Variants in USP10 observed in about 807,000 individuals in gnomAD.
USP10 encodes the protein ubiquitin specific peptidase 10.
A neutral mutation model predicts 84.5 loss-of-function variants in USP10; 22 were observed. The observed-to-expected ratio is 0.26, with a 90% CI of 0.19 to 0.37. The LOEUF (loss-of-function observed/expected upper bound fraction) is 0.37. Ranked by LOEUF, USP10 falls within the 10% of genes least tolerant of loss-of-function variation. The probability of loss-of-function intolerance (pLI) is 1.00; values close to 1 mark genes in which losing one functional copy is unlikely to be tolerated. For synonymous variants in USP10, 454 were observed against 387.6 expected (o/e 1.17, Z -2.01); for missense variants, 1,019 against 998.9 (o/e 1.02, Z -0.27).
chr16:84,725,636 T>G (rs1908366329), intron 1 of USP10, among the ~76,000 whole-genome samples: 1 of 152,120 alleles, frequency 6.6e-6, no homozygotes, highest in Non-Finnish European at 1.5e-5. Flanking sequence ...ACTCCTGACC[T>G]CAGGTGATCC....
At chr16:84,733,134 A>T (rs1909456869) in intron 1 of USP10, 1 of 493,700 alleles carries the variant, frequency 2.0e-6, no homozygotes, top group African/African-American at 1.9e-5. Flanking sequence ...AGTATTTGTG[A>T]ACCAATAAAA....
At chr16:84,728,578 C>T (rs1446139574) in intron 1 of USP10, among the ~76,000 whole-genome samples, 1 of 152,150 alleles carries the variant, frequency 6.6e-6, no homozygotes, top group East Asian at 1.9e-4. Context: ...ATCCGCCTGC[C>T]TCGGCCTCCC....
intron 1 of USP10, among the ~76,000 whole-genome samples, chr16:84,718,738 A>G (rs776128260): frequency 3.4e-4 from 52 of 151,896 alleles, no homozygotes; most frequent in Non-Finnish European, 6.5e-4. Flanking sequence ...GTTGGGCAAC[A>G]GAGCAAGACT....
chr16:84,733,576 T>G lies in USP10; in HGVS notation c.90+73T>G, dbSNP rs961100670. 3.4e-6 allele frequency: 4 copies of G among 1,175,410 alleles called. No individual in the cohort carries two copies. In the African/African-American group the frequency reaches 6.3e-5, roughly 19 times the overall value. 72.8% of individuals were successfully genotyped at this position (1,175,410 alleles called of 1,614,324 possible). A position where few individuals can be genotyped will look rare whatever the true frequency, so the allele number is the denominator to read the frequency against. ...TAGTTATGTTTCTATTTTAATTTGT[T>G]TTTTTAAATAAAGAATTCCAATGTA... On this transcript the variant is annotated intron_variant, in intron 2 of 13. Coordinates refer to ENST00000219473, the MANE Select transcript of USP10 (RefSeq NM_005153.3).
At chr16:84,704,065 T>C (rs972998807) in intron 1 of USP10, among the ~76,000 whole-genome samples, 1 of 152,270 alleles carries the variant, frequency 6.6e-6, no homozygotes, top group Non-Finnish European at 1.5e-5. Flanking sequence ...AGCGGCACGT[T>C]GCACTGTGCT....
chr16:84,736,823 C>G (rs1909989154), intron 2 of USP10, among the ~76,000 whole-genome samples: 1 of 152,188 alleles, frequency 6.6e-6, no homozygotes, highest in East Asian at 1.9e-4. Context: ...GAGTCTCGCT[C>G]TCTCGCCCAG....
chr16:84,716,112 A>AT (rs780904523), intron 1 of USP10: 2 of 152,268 alleles, frequency 1.3e-5, no homozygotes, highest in Non-Finnish European at 2.9e-5. Context: ...GGTGACTACT[A>AT]TCCCACAGGG....
At chr16:84,738,921 T>C (rs986294901) in intron 2 of USP10, among the ~76,000 whole-genome samples, 1 of 152,210 alleles carries the variant, frequency 6.6e-6, no homozygotes, top group Non-Finnish European at 1.5e-5. Context: ...TTTGCGGCCC[T>C]AGGGCCGTTC....
intron 13 of USP10, among the ~76,000 whole-genome samples, chr16:84,777,359 G>C (rs773601127): frequency 1.6e-4 from 24 of 152,190 alleles, no homozygotes; most frequent in Non-Finnish European, 2.6e-4. Flanking sequence ...ACTGATGGTC[G>C]CTTTGAAGCA....
chr16:84,755,668 C>T (rs1298132316), intron 4 of USP10, among the ~76,000 whole-genome samples: 5 of 151,846 alleles, frequency 3.3e-5, no homozygotes, highest in Non-Finnish European at 7.4e-5. Context: ...TATGGTGGCA[C>T]ACATCTGTAG....
chr16:84,704,317 C>G (rs1452975709), intron 1 of USP10, among the ~76,000 whole-genome samples: 2 of 152,206 alleles, frequency 1.3e-5, no homozygotes, highest in Non-Finnish European at 2.9e-5. Context: ...GAAGAGCTTG[C>G]TTTTGAATTT....
chr16:84,727,659 C>T (rs553626769), intron 1 of USP10, among the ~76,000 whole-genome samples: 3 of 152,330 alleles, frequency 2.0e-5, no homozygotes, highest in East Asian at 1.9e-4. Flanking sequence ...CACACTCATA[C>T]GGATACACAT....
intron 13 of USP10, among the ~76,000 whole-genome samples, chr16:84,776,322 G>GGGATGAGGGCCCA (rs1555550739): frequency 4.6e-5 from 7 of 150,872 alleles, no homozygotes; most frequent in Non-Finnish European, 1.0e-4. Flanking sequence ...TGGGGGCCCA[G>GGGATGAGGGCCCA]GGGTGAGGGC....
intron 3 of USP10, among the ~76,000 whole-genome samples, chr16:84,743,339 A>G (rs1171678903): frequency 1.3e-5 from 2 of 152,082 alleles, no homozygotes; most frequent in African/African-American, 4.8e-5. Flanking sequence ...GGGGGCTGTG[A>G]TTCTAAAGCA....
intron 1 of USP10, among the ~76,000 whole-genome samples, chr16:84,731,057 G>A (rs1399329102): frequency 7.2e-6 from 1 of 139,462 alleles, no homozygotes; most frequent in Admixed American, 8.0e-5. Context: ...TCGGCTTGCT[G>A]CAACCTCCAC....
intron 4 of USP10, 67 bp from the exon 5 acceptor site, chr16:84,758,649 T>C (rs1388587012): frequency 8.8e-7 from 1 of 1,130,188 alleles, no homozygotes; most frequent in African/African-American, 1.5e-5. Context: ...GTAGAGCATG[T>C]GAAATGATTT....
intron 4 of USP10, among the ~76,000 whole-genome samples, chr16:84,756,465 C>T (rs1420928716): frequency 6.6e-6 from 1 of 152,038 alleles, no homozygotes; most frequent in African/African-American, 2.4e-5. Context: ...TGGTGGTGCA[C>T]GTCTGTAATC....
chr16:84,725,714 C>T (rs1345366280), intron 1 of USP10, among the ~76,000 whole-genome samples: 2 of 152,296 alleles, frequency 1.3e-5, no homozygotes, highest in East Asian at 3.9e-4. Flanking sequence ...TGTCTGACGA[C>T]ATTTTCAAAC....
intron 1 of USP10, among the ~76,000 whole-genome samples, chr16:84,714,554 C>T (rs1906751183): frequency 4.0e-5 from 6 of 150,682 alleles, no homozygotes. Flanking sequence ...TTTTTTAGAT[C>T]TCAAGAGCCT....
Sources: allele counts gnomAD v4.1 joint callset (sites outside exome capture counted in the v4.1 genomes callset), GRCh38; gene constraint gnomAD v4.1.1; transcripts MANE v1.5; gene names NCBI Gene and HGNC (gene_info 2026-07-23, HGNC 2026-07-21).